Variants in RNPEP observed in about 807,000 individuals in gnomAD.
The protein encoded by RNPEP is arginyl aminopeptidase.
A neutral mutation model predicts 70.1 loss-of-function variants in RNPEP; 57 were observed. The ratio of observed to expected loss-of-function variants is 0.81; its 90% CI spans 0.66 to 1.01. The LOEUF (loss-of-function observed/expected upper bound fraction) is 1.01. Ranked by LOEUF, RNPEP falls within the 50% of genes least tolerant of loss-of-function variation. The pLI is 0.00. For synonymous variants in RNPEP, 335 were observed against 357.4 expected (o/e 0.94, Z 0.71); for missense variants, 787 against 852.4 (o/e 0.92, Z 0.96).
chr1:201,986,245 T>C (rs1297315935), intron 1 of RNPEP, among the ~76,000 whole-genome samples: 1 of 104,056 alleles, frequency 9.6e-6, no homozygotes, highest in Non-Finnish European at 2.3e-5. Flanking sequence ...GCCAGTTTTT[T>C]GTTTTTTATT....
intron 5 of RNPEP, 54 bp from the exon 6 acceptor site, chr1:201,999,848 A>C: frequency 2.1e-6 from 3 of 1,408,090 alleles, no homozygotes; most frequent in South Asian, 2.4e-5. Flanking sequence ...AGGAAAATAC[A>C]CTTGGATGTG....
chr1:201,997,484 C>G lies in RNPEP; in HGVS notation c.1020C>G (p.Asn340Lys). The change falls in exon 5 of 11, where the codon AAC becomes AAG. Residue 340 changes from asparagine (N) to lysine (K), a missense_variant. Coordinates refer to ENST00000295640, the MANE Select transcript of RNPEP (RefSeq NM_020216.4). ...SWFGNLVTNANWGEFWLNEGF... is the reference protein window; with the variant it reads ...SWFGNLVTNAKWGEFWLNEGF... ...TTGGGAACCTGGTCACCAACGCCAACTGGGGTGAATTCTGGCTCAATGAAG... is the reference window on the plus strand; with the variant it reads ...TTGGGAACCTGGTCACCAACGCCAAGTGGGGTGAATTCTGGCTCAATGAAG... The G allele has an allele frequency of 6.2e-7, 1 of 1,614,142 alleles. No individual in the cohort carries two copies. The highest frequency in any genetic ancestry group is 2.2e-5 in the East Asian group (1 of 44,864).
chr1:201,982,714 G>A lies in RNPEP; in HGVS notation c.48G>A (p.Pro16=). ...HSPGSGAARR[P]LHSAQAVDVA... is the part of the protein sequence containing the mutation. ...CCGGCAGCGGCGCGGCCCGGCGGCC[G>A]CTGCACTCCGCGCAGGCTGTGGACG... is the stretch of plus-strand genomic sequence containing the variant. Residue 16 remains proline (P), a synonymous_variant, in exon 1 of 11, where the codon CCG becomes CCA. Coordinates refer to ENST00000295640, the MANE Select transcript of RNPEP (RefSeq NM_020216.4). 2 of 1,402,992 alleles carry A rather than the reference G, an allele frequency of 1.4e-6. No homozygotes were observed. Among genetic ancestry groups the A allele is most frequent in the South Asian group, 1.6e-5 (1 of 64,370 alleles). 86.9% of individuals were successfully genotyped at this position (1,402,992 alleles called of 1,614,324 possible).
At chr1:202,003,496 G>A (rs751643745) in intron 9 of RNPEP, 35 bp downstream of exon 9, 2 of 1,466,764 alleles carry the variant, frequency 1.4e-6, no homozygotes, top group South Asian at 1.2e-5. Context: ...CTCCTTGTGT[G>A]CACAGCTTTA....
intron 1 of RNPEP, among the ~76,000 whole-genome samples, chr1:201,984,412 C>T (rs1206593676): frequency 6.6e-6 from 1 of 152,150 alleles, no homozygotes; most frequent in Non-Finnish European, 1.5e-5. Flanking sequence ...TTCTGATGAG[C>T]CTTTCCAAAG....
At position 201,997,390 on chromosome 1, in the gene RNPEP, C is replaced by T; in HGVS notation, c.926C>T (p.Thr309Ile). The change falls in exon 5 of 11, where the codon ACC becomes ATC. Residue 309 changes from threonine to isoleucine, a missense_variant. Thr to Ile is a moderately conservative substitution (Grantham distance 89). Coordinates refer to ENST00000295640, the MANE Select transcript of RNPEP (RefSeq NM_020216.4). ...GMENPCLTFV[T>I]PCLLAGDRSL... The stretch of plus-strand genomic sequence containing the variant: ...GAGAACCCTTGTCTGACCTTTGTCA[C>T]CCCCTGCCTGCTAGCTGGGGACCGC... 6.2e-7 allele frequency: 1 copy of T among 1,614,146 alleles called. No individual in the cohort carries two copies. Among genetic ancestry groups the T allele is most frequent in the Non-Finnish European group, 8.5e-7 (1 of 1,180,028 alleles).
At position 201,996,165 on chromosome 1, in the gene RNPEP, G is replaced by C; in HGVS notation, c.756G>C (p.Glu252Asp). 1 of 1,614,158 alleles carries C rather than the reference G, an allele frequency of 6.2e-7. No individual in the cohort carries two copies. The highest frequency in any genetic ancestry group is 1.1e-5 in the South Asian group (1 of 91,082). The part of the protein sequence containing the change: ...EVGPRSRVWA[E>D]PCLIDAAKEE... ...TCTTTAGGAGCCGGGTGTGGGCTGAGCCCTGCCTGATTGATGCTGCCAAGG... is the reference window on the plus strand; with the variant it reads ...TCTTTAGGAGCCGGGTGTGGGCTGACCCCTGCCTGATTGATGCTGCCAAGG... The change falls in exon 4 of 11, where the codon GAG (glutamate) becomes GAC (aspartate). Residue 252 changes from glutamate (E) to aspartate (D), a missense_variant. Physicochemically the swap from Glu to Asp is conservative, Grantham distance 45 (BLOSUM62 2). Coordinates refer to ENST00000295640, the MANE Select transcript of RNPEP (RefSeq NM_020216.4).
chr1:202,005,467 A>T, intron 10 of RNPEP, 91 bp from the exon 11 acceptor site: 1 of 1,450,784 alleles, frequency 6.9e-7, no homozygotes, highest in South Asian at 1.2e-5. Flanking sequence ...GCACCTAGCC[A>T]TGGCTGCTGT....
chr1:201,996,145 A>C lies in RNPEP; in HGVS notation c.738-2A>C. On this transcript the variant is annotated splice_acceptor_variant, in intron 3 of 10. Coordinates refer to ENST00000295640, the MANE Select transcript of RNPEP (RefSeq NM_020216.4). LOFTEE classifies it high-confidence loss of function. ...CTGCTTTCTCTGCTCTCTTGTCTTT[A>C]GGAGCCGGGTGTGGGCTGAGCCCTG... 1 of 1,611,996 alleles carries C rather than the reference A, an allele frequency of 6.2e-7. No individual in the cohort carries two copies.
chr1:201,997,972 A>T (rs968876955), intron 5 of RNPEP, among the ~76,000 whole-genome samples: 1 of 152,150 alleles, frequency 6.6e-6, no homozygotes, highest in African/African-American at 2.4e-5. Flanking sequence ...CATGTTGGTC[A>T]GGCTGGTCTC....
Position 201,982,857 on chromosome 1 carries a change from T to C in RNPEP, c.191T>C (p.Val64Ala). Residue 64 changes from valine to alanine, a missense_variant, in exon 1 of 11, where the codon GTC becomes GCC. Coordinates refer to ENST00000295640, the MANE Select transcript of RNPEP (RefSeq NM_020216.4). ...AGSRGLSGTA[V>A]LDLRCLEPEG... ...AGCCGGGGGCTGAGCGGCACCGCGG[T>C]CCTGGACCTGCGCTGCCTGGAGCCC... The C allele has an allele frequency of 7.2e-7, 1 of 1,382,860 alleles. No homozygotes were observed. Among genetic ancestry groups the C allele is most frequent in the African/African-American group, 1.5e-5 (1 of 65,174 alleles). The allele number at this position is 1,382,860 out of a possible 1,614,324, so 85.7% of individuals were successfully genotyped here. A position where few individuals can be genotyped will look rare whatever the true frequency, so the allele number is the denominator to read the frequency against.
In RNPEP at chr1:201,989,460, G is replaced by A. The variant is rs773646903; in HGVS notation, c.666G>A (p.Met222Ile). The change falls in exon 3 of 11, where the codon ATG becomes ATA. Residue 222 changes from methionine to isoleucine, a missense_variant. Transcript: ENST00000295640. ...GTCCAAATAAGTTCTTCTTCCAGAT[G>A]TGTCAGCCCATCCCCTCCTATCTGA... ...KRGPNKFFFQ[M>I]CQPIPSYLIA... is the part of the protein sequence containing the mutation. The A allele has an allele frequency of 2.5e-6, 4 of 1,614,190 alleles. No homozygotes were observed. The highest frequency in any genetic ancestry group is 1.1e-5 in the South Asian group (1 of 91,084).
At chr1:201,987,050 C>G (rs558901798) in intron 1 of RNPEP, among the ~76,000 whole-genome samples, 4 of 152,180 alleles carry the variant, frequency 2.6e-5, no homozygotes, top group Admixed American at 2.0e-4. Context: ...AGCATCCCAA[C>G]GTAGCTTCCT....
At chr1:202,004,601 CAGAG>C in intron 10 of RNPEP, 105 bp downstream of exon 10, 1 of 1,394,414 alleles carries the variant, frequency 7.2e-7, no homozygotes, top group Non-Finnish European at 9.8e-7. Context: ...ATCTGAGGCA[CAGAG>C]GGAGGGGCAA....
chr1:202,005,980 C>T lies in RNPEP; in HGVS notation c.*264C>T, dbSNP rs1571654745. 2.2e-6 allele frequency: 1 copy of T among 446,566 alleles called. No individual in the cohort carries two copies. Among genetic ancestry groups the T allele is most frequent in the Non-Finnish European group, 4.1e-6 (1 of 246,228 alleles). The allele number at this position is 446,566 out of a possible 1,614,324, so 27.7% of individuals were successfully genotyped here. ...CAGGCACTGCAGGGCAGCGGGTATT[C>T]TCCTCCCCACCTAAGTCTCTGGGAA... On this transcript the variant is annotated 3_prime_UTR_variant, in exon 11 of 11. Coordinates refer to ENST00000295640, the MANE Select transcript of RNPEP (RefSeq NM_020216.4).
rs1272666312 is a variant in RNPEP, at chr1:201,989,044, G to A, written c.588G>A (p.Glu196=). Reference sequence around the variant, plus strand: ...AATACAAGTATTCAGCTCTTATTGAGGTAAGGAGACTAAGGTTAGGTGCAC... The same window carrying A: ...AATACAAGTATTCAGCTCTTATTGAAGTAAGGAGACTAAGGTTAGGTGCAC... ...AVKYKYSALI[E]VPDGFTAVMS... Residue 196 remains glutamate, a splice_region_variant and synonymous_variant, in exon 2 of 11, where the codon GAG becomes GAA. Transcript: ENST00000295640. The A allele has an allele frequency of 2.5e-6, 4 of 1,612,966 alleles. No homozygotes were observed. Among genetic ancestry groups the A allele is most frequent in the Non-Finnish European group, 3.4e-6 (4 of 1,179,700 alleles).
intron 3 of RNPEP, among the ~76,000 whole-genome samples, chr1:201,993,761 A>T (rs894311279): frequency 1.3e-5 from 2 of 152,218 alleles, no homozygotes; most frequent in African/African-American, 4.8e-5. Flanking sequence ...CCTGGGCAAC[A>T]GAGCAAGACT....
chr1:201,983,205 G>A, intron 1 of RNPEP, 92 bp downstream of exon 1: 2 of 1,393,750 alleles, frequency 1.4e-6, no homozygotes, highest in Non-Finnish European at 1.8e-6. Context: ...CCGGGAGGAG[G>A]GACAGGGAGG....
At chr1:201,997,590 C>A (rs368393194) in intron 5 of RNPEP, 36 bp downstream of exon 5, 6 of 1,541,116 alleles carry the variant, frequency 3.9e-6, no homozygotes, top group African/African-American at 1.4e-5. Context: ...GAGTCTGCCT[C>A]CCATTCTTAA....
Sources: allele counts gnomAD v4.1 joint callset (sites outside exome capture counted in the v4.1 genomes callset), GRCh38; gene constraint gnomAD v4.1.1; transcripts MANE v1.5; gene names NCBI Gene and HGNC (gene_info 2026-07-23, HGNC 2026-07-21).